The following CHST11 variants were observed in gnomAD, a reference collection of about 807,000 sequenced individuals.
The protein encoded by CHST11 is carbohydrate sulfotransferase 11, also known as C4S-1.
Under a neutral mutation model 30.4 loss-of-function variants are expected in CHST11, and 9 were observed. The observed-to-expected ratio is 0.30, with a 90% CI of 0.18 to 0.52. The LOEUF is 0.52. Ranked by LOEUF, CHST11 falls within the 20% of genes least tolerant of loss-of-function variation. The pLI is 0.97. For synonymous variants in CHST11, 152 were observed against 187.8 expected, an observed-to-expected ratio of 0.81 and a Z score of 1.56; for missense variants, 348 against 460.6, an observed-to-expected ratio of 0.76 and a Z score of 2.24.
chr12:104,717,003 C>T (rs2040136690), intron 2 of CHST11, among the ~76,000 whole-genome samples: 1 of 152,200 alleles, frequency 6.6e-6, no homozygotes, highest in African/African-American at 2.4e-5. Context: ...AATGGCCAGT[C>T]AAGTCCTTCT....
At chr12:104,712,565 C>T (rs546673151) in intron 2 of CHST11, among the ~76,000 whole-genome samples, 8 of 152,216 alleles carry the variant, frequency 5.3e-5, no homozygotes, top group Non-Finnish European at 7.4e-5. Flanking sequence ...TCTCCCAGCC[C>T]CTGAACTCCA....
At chr12:104,683,179 T>C (rs1444348951) in intron 2 of CHST11, among the ~76,000 whole-genome samples, 1 of 152,132 alleles carries the variant, frequency 6.6e-6, no homozygotes, top group East Asian at 1.9e-4. Flanking sequence ...GGTTTGACAC[T>C]TTCAGGCCCA....
At chr12:104,468,148 G>C (rs1471945137) in intron 1 of CHST11, among the ~76,000 whole-genome samples, 1 of 151,688 alleles carries the variant, frequency 6.6e-6, no homozygotes, top group East Asian at 1.9e-4. Context: ...AAGGAAGGGG[G>C]ATGTGAAGTG....
At chr12:104,728,448 T>TAA (rs35256981) in intron 2 of CHST11, among the ~76,000 whole-genome samples, 6 of 145,112 alleles carry the variant, frequency 4.1e-5, no homozygotes, top group East Asian at 2.3e-4. Flanking sequence ...AACTCTTCCT[T>TAA]AAAAAAAAAC....
intron 1 of CHST11, among the ~76,000 whole-genome samples, chr12:104,459,830 A>G (rs1358041700): frequency 2.6e-5 from 4 of 152,196 alleles, no homozygotes; most frequent in Non-Finnish European, 5.9e-5. Flanking sequence ...CTATAAATAT[A>G]CTTTTCTGAT....
chr12:104,477,600 G>C (rs1368791404), intron 1 of CHST11, among the ~76,000 whole-genome samples: 1 of 152,108 alleles, frequency 6.6e-6, no homozygotes, highest in Admixed American at 6.6e-5. Flanking sequence ...TTATAAAAGA[G>C]ACCCCAGAGA....
chr12:104,688,815 G>A (rs1249653880), intron 2 of CHST11, among the ~76,000 whole-genome samples: 7 of 152,168 alleles, frequency 4.6e-5, no homozygotes, highest in Non-Finnish European at 1.0e-4. Context: ...TATGGACATG[G>A]GAAGATGTCA....
chr12:104,671,899 G>T (rs1310544029), intron 2 of CHST11, among the ~76,000 whole-genome samples: 3 of 152,128 alleles, frequency 2.0e-5, no homozygotes, highest in Non-Finnish European at 2.9e-5. Context: ...ATCGGCCAGT[G>T]ACTCATCAGT....
At chr12:104,522,270 A>G (rs1334198727) in intron 1 of CHST11, among the ~76,000 whole-genome samples, 23 of 152,224 alleles carry the variant, frequency 1.5e-4, no homozygotes, top group Non-Finnish European at 4.4e-5. Context: ...TGGGAGTATC[A>G]GTATATCTCA....
chr12:104,540,088 T>A (rs1450411579), intron 1 of CHST11, among the ~76,000 whole-genome samples: 2 of 152,368 alleles, frequency 1.3e-5, no homozygotes, highest in East Asian at 1.9e-4. Context: ...ACTTCGTTTG[T>A]GTGACTCAGT....
chr12:104,544,138 A>AG (rs1555231334), intron 1 of CHST11, among the ~76,000 whole-genome samples: 1 of 71,724 alleles, frequency 1.4e-5, no homozygotes, highest in African/African-American at 4.9e-5. Context: ...AAAAAAAAAA[A>AG]AAAGAAAGAA....
intron 2 of CHST11, among the ~76,000 whole-genome samples, chr12:104,753,701 G>A (rs1397872806): frequency 6.6e-6 from 1 of 152,216 alleles, no homozygotes; most frequent in Non-Finnish European, 1.5e-5. Flanking sequence ...GGCTACCCTG[G>A]AAGAAACTGG....
intron 2 of CHST11, among the ~76,000 whole-genome samples, chr12:104,692,229 A>G (rs951307661): frequency 2.0e-5 from 3 of 152,166 alleles, no homozygotes; most frequent in Non-Finnish European, 4.4e-5. Flanking sequence ...CGTGCAGCCC[A>G]CGAGCACAGC....
chr12:104,650,635 T>G (rs1397134847), intron 2 of CHST11, among the ~76,000 whole-genome samples: 1 of 152,148 alleles, frequency 6.6e-6, no homozygotes, highest in African/African-American at 2.4e-5. Context: ...GCAGCCCATG[T>G]GTTCACAAAG....
At chr12:104,632,590 G>A (rs935315249) in intron 2 of CHST11, among the ~76,000 whole-genome samples, 1 of 152,212 alleles carries the variant, frequency 6.6e-6, no homozygotes, top group Non-Finnish European at 1.5e-5. Context: ...TCTGGGGGAG[G>A]AGGGAACCTC....
At chr12:104,565,074 C>G (rs2038548829) in intron 1 of CHST11, among the ~76,000 whole-genome samples, 1 of 151,936 alleles carries the variant, frequency 6.6e-6, no homozygotes, top group Admixed American at 6.6e-5. Context: ...CAAACCACAT[C>G]AGTATTATTT....
chr12:104,563,151 G>A (rs760744210), intron 1 of CHST11, among the ~76,000 whole-genome samples: 6 of 152,020 alleles, frequency 3.9e-5, no homozygotes, highest in Non-Finnish European at 8.8e-5. Context: ...AGTGATTCTC[G>A]TGTCTCAGCC....
At chr12:104,742,397 C>A (rs1006594095) in intron 2 of CHST11, among the ~76,000 whole-genome samples, 2 of 152,050 alleles carry the variant, frequency 1.3e-5, no homozygotes, top group Non-Finnish European at 2.9e-5. Flanking sequence ...GTAAGCCACC[C>A]GGGACTGCTC....
intron 1 of CHST11, among the ~76,000 whole-genome samples, chr12:104,561,098 C>T (rs1565987415): frequency 6.6e-6 from 1 of 152,192 alleles, no homozygotes; most frequent in Non-Finnish European, 1.5e-5. Flanking sequence ...TTACCAAACT[C>T]ATGTGCTATT....
Sources: gnomAD v4.1 joint callset for allele counts (sites outside exome capture counted in the v4.1 genomes callset) on GRCh38, gnomAD v4.1.1 for gene constraint, MANE v1.5 for transcripts, NCBI Gene and HGNC (gene_info 2026-07-23, HGNC 2026-07-21) for gene names.